Variants in PCDH15 observed in about 807,000 individuals in gnomAD.
The protein encoded by PCDH15 is protocadherin-15.
PCDH15 carries 129 observed loss-of-function variants against 178.5 expected under a neutral mutation model. The observed-to-expected ratio is 0.72, with a 90% CI of 0.63 to 0.84. The LOEUF is 0.84. Among genes scored for constraint, PCDH15 ranks in the 40% least tolerant of loss-of-function variants. The pLI, the probability that PCDH15 is intolerant of heterozygous loss-of-function variation, is 0.00. For synonymous variants in PCDH15, 800 were observed against 732.0 expected (o/e 1.09, Z -1.50); for missense variants, 2,230 against 2,099.9 (o/e 1.06, Z -1.21).
intron 23 of PCDH15, among the ~76,000 whole-genome samples, chr10:53,953,951 G>C (rs768052084): frequency 6.6e-6 from 1 of 151,984 alleles, no homozygotes; most frequent in Non-Finnish European, 1.5e-5. Context: ...CACCATGCCT[G>C]GCTAATTTTT....
intron 2 of PCDH15, among the ~76,000 whole-genome samples, chr10:55,143,227 AT>A (rs1261071380): frequency 1.3e-5 from 2 of 151,446 alleles, no homozygotes; most frequent in Admixed American, 6.6e-5. Context: ...TAAATTACCC[AT>A]TCTCTAGTAG....
At position 54,890,832 on chromosome 10, in the gene PCDH15, T is replaced by C. The variant is rs372207675; in HGVS notation, c.-29+6618A>G. Among the ~76,000 whole-genome samples, 13 of 152,208 alleles carry C rather than the reference T, an allele frequency of 8.5e-5. No homozygotes were observed. In the East Asian group the frequency reaches 1.3e-3, roughly 16 times the overall value. On this transcript the variant is annotated intron_variant, in intron 3 of 5. Transcript: ENST00000458638. ...GGTACTTGCAACCATCTACATAAAATATATTGCAACTCATCTAGACCTAAA... is the reference window on the plus strand; with the variant it reads ...GGTACTTGCAACCATCTACATAAAACATATTGCAACTCATCTAGACCTAAA...
chr10:55,009,799 C>A (rs770802629), intron 2 of PCDH15, among the ~76,000 whole-genome samples: 7 of 152,082 alleles, frequency 4.6e-5, no homozygotes, highest in Non-Finnish European at 1.0e-4. Context: ...ATTTTGTTTA[C>A]AGCAAAAATG....
chr10:54,077,788 C>A (rs561834831), intron 17 of PCDH15, among the ~76,000 whole-genome samples: 1 of 152,178 alleles, frequency 6.6e-6, no homozygotes, highest in Non-Finnish European at 1.5e-5. Context: ...GCAGGCTGGG[C>A]GCAGTGGCTC....
intron 1 of PCDH15, among the ~76,000 whole-genome samples, chr10:54,731,479 A>G (rs1248280024): frequency 6.8e-6 from 1 of 147,488 alleles, no homozygotes; most frequent in African/African-American, 2.5e-5. Flanking sequence ...TTGCAGCACT[A>G]TTTGCTATAC....
intron 2 of PCDH15, among the ~76,000 whole-genome samples, chr10:55,471,327 T>A (rs2132107180): frequency 6.6e-6 from 1 of 152,310 alleles, no homozygotes; most frequent in African/African-American, 2.4e-5. Context: ...TGTAGAAAGA[T>A]TTTTATTAAG....
At chr10:53,949,397 T>C (rs1233813158) in intron 23 of PCDH15, among the ~76,000 whole-genome samples, 1 of 152,244 alleles carries the variant, frequency 6.6e-6, no homozygotes, top group Non-Finnish European at 1.5e-5. Flanking sequence ...TTGTTTTACA[T>C]TATTTTAATA....
At position 53,878,510 on chromosome 10, in the gene PCDH15, ACG is replaced by A. The variant is rs1491234683; in HGVS notation, c.3502-11655_3502-11654del. On this transcript the variant is annotated intron_variant, in intron 26 of 37. Transcript: ENST00000644397. Reference sequence around the variant, plus strand: ...TAAATATATAATATATTATATATATACGTGTGTGTGTGTATATATATATATAT... The same window carrying A: ...TAAATATATAATATATTATATATATATGTGTGTGTGTATATATATATATAT... Among the ~76,000 whole-genome samples the A allele has an allele frequency of 7.4e-4, 92 of 124,530 alleles. No homozygotes were observed. The Middle Eastern group carries it at 0.012, about 16-fold the overall frequency. 81.7% of individuals were successfully genotyped at this position (124,530 alleles called of 152,430 possible).
chr10:55,028,212 A>G (rs1051817499), intron 2 of PCDH15, among the ~76,000 whole-genome samples: 2 of 151,918 alleles, frequency 1.3e-5, no homozygotes, highest in Non-Finnish European at 2.9e-5. Context: ...GAGGTTAAGT[A>G]AATTGCTAAT....
intron 3 of PCDH15, among the ~76,000 whole-genome samples, chr10:54,436,780 C>T (rs1163466951): frequency 1.4e-5 from 2 of 148,136 alleles, no homozygotes; most frequent in Non-Finnish European, 3.0e-5. Context: ...GTTACACATA[C>T]CACATAATTT....
intron 3 of PCDH15, among the ~76,000 whole-genome samples, chr10:54,511,035 A>C (rs535822135): frequency 1.4e-3 from 213 of 152,324 alleles, no homozygotes; most frequent in Admixed American, 5.4e-3. Context: ...TAGATGCGTC[A>C]CCTTGGAAAG....
At chr10:54,022,650 T>C (rs1257119960) in intron 19 of PCDH15, among the ~76,000 whole-genome samples, 1 of 152,182 alleles carries the variant, frequency 6.6e-6, no homozygotes, top group Non-Finnish European at 1.5e-5. Flanking sequence ...TTAAAAAGTA[T>C]ATTTTTAATT....
chr10:54,245,184 T>C, intron 8 of PCDH15, among the ~76,000 whole-genome samples: 1 of 152,180 alleles, frequency 6.6e-6, no homozygotes, highest in Non-Finnish European at 1.5e-5. Flanking sequence ...AAAGTAGGCC[T>C]TTTTTATTGA....
At chr10:54,654,787 G>A (rs1317887816) in intron 2 of PCDH15, 1 of 152,036 alleles carries the variant, frequency 6.6e-6, no homozygotes, top group African/African-American at 2.4e-5. Flanking sequence ...TTTTTCAATC[G>A]TTCTAAAATT....
chr10:54,097,020 A>C (rs1346473828), intron 15 of PCDH15, among the ~76,000 whole-genome samples: 1 of 152,080 alleles, frequency 6.6e-6, no homozygotes, highest in Non-Finnish European at 1.5e-5. Context: ...GTTTTTAACC[A>C]CCAAAATATA....
chr10:55,568,872 G>A (rs1020623853), intron 2 of PCDH15, among the ~76,000 whole-genome samples: 2 of 152,000 alleles, frequency 1.3e-5, no homozygotes, highest in African/African-American at 2.4e-5. Flanking sequence ...CCATGTCCTC[G>A]CTGCATCTGT....
At chr10:55,333,070 TATA>T (rs1305577184) in intron 2 of PCDH15, among the ~76,000 whole-genome samples, 1 of 152,160 alleles carries the variant, frequency 6.6e-6, no homozygotes, top group Non-Finnish European at 1.5e-5. Context: ...ACTTTTAACA[TATA>T]AAGATAGAGT....
At chr10:53,987,393 G>A (rs2091181183) in intron 21 of PCDH15, among the ~76,000 whole-genome samples, 1 of 152,090 alleles carries the variant, frequency 6.6e-6, no homozygotes, top group Admixed American at 6.5e-5. Flanking sequence ...AAGAGATGCA[G>A]CAAATGCAGA....
intron 23 of PCDH15, among the ~76,000 whole-genome samples, chr10:53,943,938 G>C (rs1816045532): frequency 6.6e-6 from 1 of 152,138 alleles, no homozygotes; most frequent in Non-Finnish European, 1.5e-5. Flanking sequence ...TATTGTTTTA[G>C]GTTGTGGAAA....
Sources: allele counts gnomAD v4.1 joint callset (sites outside exome capture counted in the v4.1 genomes callset), GRCh38; gene constraint gnomAD v4.1.1; transcripts MANE v1.5; gene names NCBI Gene and HGNC (gene_info 2026-07-23, HGNC 2026-07-21).